The following CMYA5 variants were observed in gnomAD, a reference collection of about 807,000 sequenced individuals.
CMYA5 encodes cardiomyopathy associated 5.
A neutral mutation model predicts 318.9 loss-of-function variants in CMYA5; 246 were observed. The ratio of observed to expected loss-of-function variants is 0.77; its 90% CI spans 0.70 to 0.86. The LOEUF (loss-of-function observed/expected upper bound fraction) is 0.86. Ranked by LOEUF, CMYA5 falls within the 40% of genes least tolerant of loss-of-function variation. The probability of loss-of-function intolerance (pLI) is 0.00; values close to 1 mark genes in which losing one functional copy is unlikely to be tolerated. For synonymous variants in CMYA5, 1,641 were observed against 1,729.5 expected, an observed-to-expected ratio of 0.95 and a Z score of 1.27; for missense variants, 4,589 against 4,678.2, an observed-to-expected ratio of 0.98 and a Z score of 0.56.
intron 1 of CMYA5, among the ~76,000 whole-genome samples, chr5:79,718,929 A>G (rs1277848078): frequency 6.6e-6 from 1 of 152,174 alleles, no homozygotes; most frequent in Non-Finnish European, 1.5e-5. Flanking sequence ...TCTCTGTAAT[A>G]GACTCTACCA....
intron 10 of CMYA5, 72 bp from the exon 11 acceptor site, chr5:79,790,898 T>C (rs866143719): frequency 4.1e-6 from 4 of 978,168 alleles, no homozygotes; most frequent in Middle Eastern, 2.1e-4. Flanking sequence ...GGGTCTGAAA[T>C]GTGGGGCTTA....
intron 10 of CMYA5, among the ~76,000 whole-genome samples, chr5:79,789,625 A>G (rs986988501): frequency 6.6e-6 from 1 of 151,976 alleles, no homozygotes; most frequent in African/African-American, 2.4e-5. Context: ...GGTTTTTGCC[A>G]TGTTGGCCAG....
At chr5:79,714,554 C>T (rs1827478231) in intron 1 of CMYA5, among the ~76,000 whole-genome samples, 1 of 150,968 alleles carries the variant, frequency 6.6e-6, no homozygotes, top group African/African-American at 2.4e-5. Context: ...CCTTCTGCCT[C>T]AGCCTCCTGA....
At chr5:79,712,500 A>C (rs1827414721) in intron 1 of CMYA5, among the ~76,000 whole-genome samples, 1 of 152,016 alleles carries the variant, frequency 6.6e-6, no homozygotes, top group Non-Finnish European at 1.5e-5. Context: ...GGCATGAGCC[A>C]CCACACCCGG....
intron 9 of CMYA5, among the ~76,000 whole-genome samples, chr5:79,785,140 C>T (rs1419424740): frequency 1.3e-5 from 2 of 151,940 alleles, no homozygotes; most frequent in East Asian, 3.9e-4. Flanking sequence ...GGGTCTATTC[C>T]TGACCTTTAT....
chr5:79,732,064 C>T lies in CMYA5; in HGVS notation c.3299C>T (p.Ser1100Leu). 1.2e-6 allele frequency: 2 copies of T among 1,613,970 alleles called. No individual in the cohort carries two copies. The highest frequency in any genetic ancestry group is 1.3e-5 in the African/African-American group (1 of 75,040). ...AEIKPEIPTTSTSVSEYLILA... is the reference protein window; with the variant it reads ...AEIKPEIPTTLTSVSEYLILA... ...ATTAAGCCAGAGATTCCAACAACCT[C>T]AACATCTGTATCTGAATATCTCATT... Residue 1100 changes from serine to leucine, a missense_variant, in exon 2 of 13, where the codon TCA becomes TTA. Physicochemically the swap from Ser to Leu is moderately radical, Grantham distance 145. Transcript: ENST00000446378.
intron 5 of CMYA5, among the ~76,000 whole-genome samples, chr5:79,751,250 C>T (rs1230220841): frequency 2.0e-5 from 3 of 152,126 alleles, no homozygotes; most frequent in Non-Finnish European, 2.9e-5. Flanking sequence ...AAGCCACAAA[C>T]GACTTTTCTA....
intron 9 of CMYA5, among the ~76,000 whole-genome samples, chr5:79,763,702 C>T (rs1828699233): frequency 6.6e-6 from 1 of 152,116 alleles, no homozygotes; most frequent in African/African-American, 2.4e-5. Context: ...AGAGATTCTT[C>T]TAGGAAAAAA....
chr5:79,762,669 C>T (rs984134446), intron 8 of CMYA5: 1 of 167,228 alleles, frequency 6.0e-6, no homozygotes, highest in Admixed American at 5.8e-5. Flanking sequence ...TTACTCCTAC[C>T]CTTTATCCTT....
chr5:79,694,352 C>G (rs1045943957), intron 1 of CMYA5, among the ~76,000 whole-genome samples: 1 of 152,238 alleles, frequency 6.6e-6, no homozygotes, highest in African/African-American at 2.4e-5. Flanking sequence ...GTGCCAAACT[C>G]ATGGTTTCCT....
intron 3 of CMYA5, among the ~76,000 whole-genome samples, 155 bp downstream of exon 3, chr5:79,744,077 C>T (rs988428957): frequency 6.6e-6 from 1 of 152,146 alleles, no homozygotes; most frequent in Non-Finnish European, 1.5e-5. Context: ...TGCTTAAAGT[C>T]TTCTCTCTGT....
chr5:79,768,918 CTT>C (rs149528851), intron 9 of CMYA5, among the ~76,000 whole-genome samples: 16,211 of 152,126 alleles, frequency 0.11, 1,142 homozygotes, highest in East Asian at 0.31. Flanking sequence ...CTCCCTGTCA[CTT>C]TCAGCTACAC....
chr5:79,699,940 G>A (rs1273937073), intron 1 of CMYA5, among the ~76,000 whole-genome samples: 1 of 152,202 alleles, frequency 6.6e-6, no homozygotes, highest in African/African-American at 2.4e-5. Flanking sequence ...ACCATCCTAG[G>A]TGGTCAGGGA....
In CMYA5 at chr5:79,737,068, A is replaced by G; in HGVS notation, c.8303A>G (p.Glu2768Gly). 6.2e-7 allele frequency: 1 copy of G among 1,613,748 alleles called. No individual in the cohort carries two copies. Among genetic ancestry groups the G allele is most frequent in the South Asian group, 1.1e-5 (1 of 91,042 alleles). Reference protein sequence around the residue: ...SEEKEQFKESELWKGGSVDIT... With the variant: ...SEEKEQFKESGLWKGGSVDIT... ...GAAAAAGAACAGTTCAAAGAGTCAG[A>G]GCTATGGAAAGGTGGTTCAGTAGAT... is the stretch of plus-strand genomic sequence containing the variant. The change falls in exon 2 of 13, where the codon GAG (glutamate) becomes GGG (glycine). Residue 2768 changes from glutamate (E) to glycine (G), a missense_variant. This residue lies in a region of CMYA5 where 2,431 missense variants were observed against 2,495.1 expected (regional missense o/e 0.97). Coordinates refer to ENST00000446378, the MANE Select transcript of CMYA5 (RefSeq NM_153610.5).
At chr5:79,721,193 A>C (rs2151081372) in intron 1 of CMYA5, among the ~76,000 whole-genome samples, 1 of 152,266 alleles carries the variant, frequency 6.6e-6, no homozygotes, top group South Asian at 2.1e-4. Context: ...TGGAATAATA[A>C]AAAAATTCAA....
chr5:79,749,442 C>T lies in CMYA5; in HGVS notation c.10991+2329C>T, dbSNP rs938387160. Among the ~76,000 whole-genome samples the T allele has an allele frequency of 6.6e-5, 10 of 152,006 alleles. No individual in the cohort carries two copies. The East Asian group carries it at 7.7e-4, about 12-fold the overall frequency. ...ATCTACAGTTGGCCCTTGAACAACA[C>T]GAGTTTGGACTGTGCAGGTCCACTG... On this transcript the variant is annotated intron_variant, in intron 5 of 12. Transcript: ENST00000446378.
chr5:79,713,708 T>C (rs1359446007), intron 1 of CMYA5, among the ~76,000 whole-genome samples: 1 of 152,060 alleles, frequency 6.6e-6, no homozygotes, highest in African/African-American at 2.4e-5. Context: ...AGAGAAATGA[T>C]TTTTGTAATT....
chr5:79,743,529 T>TA (rs1412198056), intron 2 of CMYA5, among the ~76,000 whole-genome samples: 1 of 152,168 alleles, frequency 6.6e-6, no homozygotes, highest in East Asian at 1.9e-4. Context: ...TATAGTTCAT[T>TA]AAAACAGGTA....
intron 12 of CMYA5, among the ~76,000 whole-genome samples, chr5:79,795,922 C>T (rs1482782877): frequency 6.6e-6 from 1 of 152,202 alleles, no homozygotes; most frequent in African/African-American, 2.4e-5. Context: ...TCAAAGCCAG[C>T]CAGGCAGAGA....
Sources: allele counts gnomAD v4.1 joint callset (sites outside exome capture counted in the v4.1 genomes callset), GRCh38; gene constraint gnomAD v4.1.1; regional missense constraint gnomAD v4.1.1; transcripts MANE v1.5; gene names NCBI Gene and HGNC (gene_info 2026-07-23, HGNC 2026-07-21).